TUSC3: variants seen among roughly 807,000 people sequenced by gnomAD.
TUSC3 encodes tumor suppressor candidate 3.
TUSC3 carries 45 observed loss-of-function variants against 44.8 expected under a neutral mutation model. That is an observed-to-expected ratio of 1.00 (90% CI 0.79 to 1.29). The LOEUF (loss-of-function observed/expected upper bound fraction) is 1.29. Among genes scored for constraint, TUSC3 ranks in the 50% most tolerant of loss-of-function variants. The pLI, the probability that TUSC3 is intolerant of heterozygous loss-of-function variation, is 0.00. For synonymous variants in TUSC3, 212 were observed against 152.9 expected (o/e 1.39, Z -2.85); for missense variants, 519 against 437.9 (o/e 1.19, Z -1.65).
At chr8:15,519,246 G>C (rs1410060994) in intron 2 of TUSC3, among the ~76,000 whole-genome samples, 1 of 152,104 alleles carries the variant, frequency 6.6e-6, no homozygotes, top group East Asian at 1.9e-4. Context: ...ATTTTTTAGA[G>C]ATAAAATCCT....
downstream of TUSC3, among the ~76,000 whole-genome samples, chr8:15,768,997 C>A (rs1016722830): frequency 6.6e-6 from 1 of 151,976 alleles, no homozygotes; most frequent in East Asian, 1.9e-4. Context: ...ATGGCCGTAC[C>A]GCCAAAAGTA....
intron 1 of TUSC3, among the ~76,000 whole-genome samples, chr8:15,460,306 T>G (rs1800327480): frequency 6.6e-6 from 1 of 152,212 alleles, no homozygotes; most frequent in Admixed American, 6.5e-5. Context: ...GAGCATTTTT[T>G]TCGTATATTT....
At chr8:15,775,581 C>A in the TUSC3 span, among the ~76,000 whole-genome samples, 1 of 151,250 alleles carries the variant, frequency 6.6e-6, no homozygotes, top group Non-Finnish European at 1.5e-5. Context: ...TCCCAGTTAG[C>A]CTTGTCATGA....
chr8:15,695,856 G>T (rs1364698875), intron 6 of TUSC3, among the ~76,000 whole-genome samples: 1 of 152,178 alleles, frequency 6.6e-6, no homozygotes, highest in Non-Finnish European at 1.5e-5. Flanking sequence ...GAACTCAAGA[G>T]AGATGATTTA....
intron 2 of TUSC3, among the ~76,000 whole-genome samples, chr8:15,515,816 C>A (rs369218287): frequency 6.6e-6 from 1 of 152,068 alleles, no homozygotes; most frequent in East Asian, 1.9e-4. Context: ...TACAGTCTCT[C>A]GCCACCACAC....
At chr8:15,634,110 T>C (rs1805953982) in intron 2 of TUSC3, among the ~76,000 whole-genome samples, 1 of 152,138 alleles carries the variant, frequency 6.6e-6, no homozygotes, top group Non-Finnish European at 1.5e-5. Flanking sequence ...ATACCTAATG[T>C]GGTATTGGAG....
At chr8:15,514,857 G>A (rs1441930221) in intron 2 of TUSC3, among the ~76,000 whole-genome samples, 1 of 152,038 alleles carries the variant, frequency 6.6e-6, no homozygotes, top group Non-Finnish European at 1.5e-5. Context: ...AACTCTCTCA[G>A]CCTCAGATTC....
At chr8:15,590,722 A>G (rs1261908648) in intron 1 of TUSC3, among the ~76,000 whole-genome samples, 2 of 150,246 alleles carry the variant, frequency 1.3e-5, no homozygotes, top group Non-Finnish European at 3.0e-5. Context: ...CCCAGGCTGG[A>G]GTGCTGTGGT....
At chr8:15,696,410 C>T (rs1365554990) in intron 6 of TUSC3, among the ~76,000 whole-genome samples, 1 of 152,126 alleles carries the variant, frequency 6.6e-6, no homozygotes, top group Non-Finnish European at 1.5e-5. Flanking sequence ...ATGGAAACAC[C>T]TGGATGTCAA....
intron 1 of TUSC3, among the ~76,000 whole-genome samples, chr8:15,571,613 A>T (rs931479022): frequency 6.6e-5 from 10 of 152,106 alleles, no homozygotes; most frequent in African/African-American, 2.2e-4. Context: ...TGATGGTGGG[A>T]GCAGCTGGCA....
chr8:15,628,997 C>T (rs932539533), intron 2 of TUSC3, among the ~76,000 whole-genome samples: 3 of 152,114 alleles, frequency 2.0e-5, no homozygotes, highest in Admixed American at 6.5e-5. Context: ...AGCTAGATTT[C>T]CACAAGGGTG....
At chr8:15,794,197 G>A in the TUSC3 span, among the ~76,000 whole-genome samples, 1 of 152,154 alleles carries the variant, frequency 6.6e-6, no homozygotes, top group Non-Finnish European at 1.5e-5. Flanking sequence ...TTGGGCCTTT[G>A]AGAAACACTC....
intron 1 of TUSC3, among the ~76,000 whole-genome samples, chr8:15,448,581 T>C (rs1170420076): frequency 2.0e-5 from 3 of 152,210 alleles, no homozygotes; most frequent in African/African-American, 7.2e-5. Context: ...ATGTAGAAGA[T>C]TATTATATTA....
chr8:15,537,090 A>C (rs1401616839), upstream of TUSC3, among the ~76,000 whole-genome samples: 2 of 152,126 alleles, frequency 1.3e-5, no homozygotes, highest in African/African-American at 4.8e-5. Context: ...ATAATCAACT[A>C]AGAGCCAGGC....
intron 7 of TUSC3, chr8:15,733,457 T>G: frequency 2.7e-6 from 1 of 363,764 alleles, no homozygotes; most frequent in Non-Finnish European, 5.3e-6. Flanking sequence ...AATACCGAGC[T>G]GAAGGATGAA....
At chr8:15,536,324 C>G (rs1489681708), upstream of TUSC3, among the ~76,000 whole-genome samples, 2 of 152,096 alleles carry the variant, frequency 1.3e-5, no homozygotes, top group Non-Finnish European at 2.9e-5. Context: ...CTGGTGAGGA[C>G]AGAGATAATA....
intron 2 of TUSC3, among the ~76,000 whole-genome samples, chr8:15,498,654 C>A (rs1254942744): frequency 6.6e-6 from 1 of 152,196 alleles, no homozygotes; most frequent in Non-Finnish European, 1.5e-5. Context: ...CCCTCTTCTG[C>A]CAGTTGCCTT....
intron 2 of TUSC3, among the ~76,000 whole-genome samples, chr8:15,640,255 G>A (rs901396550): frequency 1.3e-5 from 2 of 152,122 alleles, no homozygotes; most frequent in Non-Finnish European, 2.9e-5. Flanking sequence ...CACTTTACAC[G>A]TGTCACAACG....
At chr8:15,743,323 A>G in intron 7 of TUSC3, 1 of 559,984 alleles carries the variant, frequency 1.8e-6, no homozygotes, top group East Asian at 3.1e-5. Context: ...GCCTCTCAAT[A>G]TATCACAAAT....
Sources: gnomAD v4.1 joint callset for allele counts (sites outside exome capture counted in the v4.1 genomes callset) on GRCh38, gnomAD v4.1.1 for gene constraint, MANE v1.5 for transcripts, NCBI Gene and HGNC (gene_info 2026-07-23, HGNC 2026-07-21) for gene names.